Variants in RAVER1 observed in about 807,000 individuals in gnomAD.
RAVER1 encodes ribonucleoprotein PTB-binding 1.
RAVER1 carries 36 observed loss-of-function variants against 68.4 expected under a neutral mutation model. That is an observed-to-expected ratio of 0.53 (90% CI 0.40 to 0.70). The LOEUF (loss-of-function observed/expected upper bound fraction) is 0.70, where lower values mean the gene tolerates loss of function less well. RAVER1 is among the 30% of genes least tolerant of loss of function. The pLI is 0.00. For synonymous variants in RAVER1, 469 were observed against 472.7 expected, an observed-to-expected ratio of 0.99 and a Z score of 0.10; for missense variants, 933 against 1,019.8, an observed-to-expected ratio of 0.91 and a Z score of 1.16.
Position 10,320,862 on chromosome 19 carries a change from C to A in RAVER1, c.1563G>T (p.Leu521=). 1 of 1,512,090 alleles carries A rather than the reference C, an allele frequency of 6.6e-7. No homozygotes were observed. Among genetic ancestry groups the A allele is most frequent in the Admixed American group, 2.4e-5 (1 of 41,784 alleles). The allele number at this position is 1,512,090 out of a possible 1,614,324, so 93.7% of individuals were successfully genotyped here. ...CCCAGCCCCGGGCCTCCTTACCCGC[C>A]AGGTTGCTGGCCGGGAGCAGGCTGT... The part of the protein sequence containing the change: ...NLHSLLPASN[L]AGKEARGWGG... Residue 521 remains leucine, a synonymous_variant, in exon 9 of 13, where the codon CTG becomes CTT. Coordinates refer to ENST00000617231, the MANE Select transcript of RAVER1 (RefSeq NM_133452.3).
chr19:10,330,957 G>C (rs960126473), intron 1 of RAVER1, among the ~76,000 whole-genome samples: 10 of 151,880 alleles, frequency 6.6e-5, no homozygotes, highest in Non-Finnish European at 1.3e-4. Flanking sequence ...CTAGCTACTC[G>C]GGAGGCTGAG....
rs199738113 is a variant in RAVER1, at chr19:10,323,156, C to T, written c.1067G>A (p.Gly356Glu). The change falls in exon 5 of 13, where the codon GGG becomes GAG. Residue 356 changes from glycine (G) to glutamate (E), a missense_variant. Physicochemically the swap from Gly to Glu is moderately conservative, Grantham distance 98. Coordinates refer to ENST00000617231, the MANE Select transcript of RAVER1 (RefSeq NM_133452.3). This position sits in a 1 kb window ranked among gnomAD's most constrained non-coding sequence, Gnocchi z 6.2. ...CAGCCCCACCTTACCCTGCTTCCCC[C>T]CCGCACTGCCATGGAGCAGGGGGTT... is the stretch of plus-strand genomic sequence containing the variant. ...LLNPLLHGSA[G>E]GKQGLLGAPP... 11 of 1,601,788 alleles carry T rather than the reference C, an allele frequency of 6.9e-6. No individual in the cohort carries two copies. Among genetic ancestry groups the T allele is most frequent in the Admixed American group, 1.7e-5 (1 of 57,930 alleles).
chr19:10,331,382 AATAAC>A (rs1568314162), intron 1 of RAVER1, among the ~76,000 whole-genome samples: 4 of 90,432 alleles, frequency 4.4e-5, no homozygotes, highest in Non-Finnish European at 2.2e-5. Flanking sequence ...AAAAAAAAAA[AATAAC>A]AACAACAAAA....
In RAVER1 at chr19:10,333,169, G is replaced by C. The variant is rs1695007440; in HGVS notation, c.219+120C>G. The C allele has an allele frequency of 1.0e-6, 1 of 984,814 alleles. No individual in the cohort carries two copies. The highest frequency in any genetic ancestry group is 1.5e-6 in the Non-Finnish European group (1 of 681,814). 61.0% of individuals were successfully genotyped at this position (984,814 alleles called of 1,614,324 possible). A position where few individuals can be genotyped will look rare whatever the true frequency, so the allele number is the denominator to read the frequency against. ...GTCTCTCCCGATCCCGCGTGGATCC[G>C]GTGCTTGGGCGCCCCCGCCAACGAC... is the stretch of plus-strand genomic sequence containing the variant. On this transcript the variant is annotated intron_variant, in intron 1 of 12. Coordinates refer to ENST00000617231, the MANE Select transcript of RAVER1 (RefSeq NM_133452.3). This position sits in a 1 kb window ranked among gnomAD's most constrained non-coding sequence, Gnocchi z 4.2.
chr19:10,331,222 C>T lies in RAVER1; in HGVS notation c.220-696G>A, dbSNP rs1392135188. On this transcript the variant is annotated intron_variant, in intron 1 of 12. Transcript: ENST00000617231. Reference sequence around the variant, plus strand: ...AAAATTAGCCGGGCGCGGTGGCAGGCGCCTGTATTCCCAGCTACTCGGGAG... The same window carrying T: ...AAAATTAGCCGGGCGCGGTGGCAGGTGCCTGTATTCCCAGCTACTCGGGAG... 5.3e-5 allele frequency among the ~76,000 whole-genome samples: 8 copies of T among 151,412 alleles called. No homozygotes were observed. In the East Asian group the frequency reaches 1.2e-3, roughly 22 times the overall value.
chr19:10,331,482 T>A (rs1470504596), intron 1 of RAVER1, among the ~76,000 whole-genome samples: 2 of 137,322 alleles, frequency 1.5e-5, no homozygotes, highest in African/African-American at 5.6e-5. Flanking sequence ...GATCAAGAGA[T>A]CGAGACCATC....
chr19:10,316,560 G>A lies in RAVER1; in HGVS notation c.*894C>T, dbSNP rs2040389292. ...GCTCCGGGAGATGGGCACAATGTCCGACTCCCACAGACAGACAGCAGGGGA... is the reference window on the plus strand; with the variant it reads ...GCTCCGGGAGATGGGCACAATGTCCAACTCCCACAGACAGACAGCAGGGGA... On this transcript the variant is annotated 3_prime_UTR_variant, in exon 13 of 13. Transcript: ENST00000617231. 6 of 987,088 alleles carry A rather than the reference G, an allele frequency of 6.1e-6. No individual in the cohort carries two copies. The highest frequency in any genetic ancestry group is 4.6e-5 in the South Asian group (1 of 21,620). 61.1% of individuals were successfully genotyped at this position (987,088 alleles called of 1,614,324 possible).
rs2040399972 is a variant in RAVER1 at position 10,317,569 on chromosome 19, G to A, written c.2105C>T (p.Ala702Val). 1 of 1,611,718 alleles carries A rather than the reference G, an allele frequency of 6.2e-7. No individual in the cohort carries two copies. Among genetic ancestry groups the A allele is most frequent in the Non-Finnish European group, 8.5e-7 (1 of 1,179,236 alleles). Reference sequence around the variant, plus strand: ...GGGCTCGGGCGAGGGCAGCAGGTGGGCAAAGCTGCGTTTCTGGCCGCCCAG... The same window carrying A: ...GGGCTCGGGCGAGGGCAGCAGGTGGACAAAGCTGCGTTTCTGGCCGCCCAG... ...TPLGGQKRSF[A>V]HLLPSPEPSP... Residue 702 changes from alanine (A) to valine (V), a missense_variant, in exon 13 of 13, where the codon GCC becomes GTC. Around this residue, in one of 3 missense-constraint regions of RAVER1, gnomAD observed 699 missense variants for 731.1 expected, o/e 0.96. Coordinates refer to ENST00000617231, the MANE Select transcript of RAVER1 (RefSeq NM_133452.3). This position sits in a 1 kb window ranked among gnomAD's most constrained non-coding sequence, Gnocchi z 4.3.
Position 10,320,833 on chromosome 19 carries a change from C to T in RAVER1, c.1592G>A (p.Gly531Asp). The part of the protein sequence containing the change: ...LAGKEARGWG[G>D]AGRSRRPAEG... The stretch of plus-strand genomic sequence containing the variant: ...AGCTGGGCGGCGGCTTCTCCCGGCG[C>T]CTCCCCAGCCCCGGGCCTCCTTACC... The change falls in exon 9 of 13, where the codon GGC (glycine) becomes GAC (aspartate). Residue 531 changes from glycine to aspartate, a missense_variant. Physicochemically the swap from Gly to Asp is moderately conservative, Grantham distance 94. Coordinates refer to ENST00000617231, the MANE Select transcript of RAVER1 (RefSeq NM_133452.3). 6.6e-7 allele frequency: 1 copy of T among 1,516,416 alleles called. No homozygotes were observed. The highest frequency in any genetic ancestry group is 8.8e-7 in the Non-Finnish European group (1 of 1,139,540). The allele number at this position is 1,516,416 out of a possible 1,614,324, so 93.9% of individuals were successfully genotyped here. A position where few individuals can be genotyped will look rare whatever the true frequency, so the allele number is the denominator to read the frequency against.
Position 10,328,301 on chromosome 19 carries a change from C to T in RAVER1, c.756+341G>A, listed in dbSNP as rs1327069731. 1.3e-5 allele frequency among the ~76,000 whole-genome samples: 2 copies of T among 152,166 alleles called. No individual in the cohort carries two copies. The highest frequency in any genetic ancestry group is 2.9e-5 in the Non-Finnish European group (2 of 68,024). ...TCCCCTGGCCAGGTGTGGTGGCTCA[C>T]GCATGTAATCCCAGCACTTTGGGAG... On this transcript the variant is annotated intron_variant, in intron 3 of 12. Transcript: ENST00000617231. This position sits in a 1 kb window ranked among gnomAD's most constrained non-coding sequence, Gnocchi z 4.4.
intron 3 of RAVER1, among the ~76,000 whole-genome samples, chr19:10,324,028 T>A (rs1368553195): frequency 6.6e-6 from 1 of 151,922 alleles, no homozygotes; most frequent in Non-Finnish European, 1.5e-5. Context: ...CATGCCTGTA[T>A]TCCCAGCTAC....
Position 10,320,795 on chromosome 19 carries a change from T to C in RAVER1, c.1630A>G (p.Thr544Ala). The part of the protein sequence containing the change: ...RSRRPAEGPP[T>A]NPPAPGGGSS... ...CCACCTCCAGGGGCTGGGGGGTTAGTTGGGGGGCCCTCAGCTGGGCGGCGG... is the reference window on the plus strand; with the variant it reads ...CCACCTCCAGGGGCTGGGGGGTTAGCTGGGGGGCCCTCAGCTGGGCGGCGG... The change falls in exon 9 of 13, where the codon ACT becomes GCT. Residue 544 changes from threonine to alanine, a missense_variant. By Grantham distance (58) the Thr-to-Ala change is moderately conservative. Transcript: ENST00000617231. 8.0e-6 allele frequency: 12 copies of C among 1,494,756 alleles called. No homozygotes were observed. Among genetic ancestry groups the C allele is most frequent in the Non-Finnish European group, 8.9e-6 (10 of 1,129,092 alleles). 92.6% of individuals were successfully genotyped at this position (1,494,756 alleles called of 1,614,324 possible).
Position 10,330,440 on chromosome 19 carries a change from C to T in RAVER1, c.286+20G>A, listed in dbSNP as rs760054341. Reference sequence around the variant, plus strand: ...GGGATGGTCACTCCCTGCCCTGGCCCGCCCCATGGCCCCACAAACCTGTCC... The same window carrying T: ...GGGATGGTCACTCCCTGCCCTGGCCTGCCCCATGGCCCCACAAACCTGTCC... On this transcript the variant is annotated intron_variant, in intron 2 of 12. Coordinates refer to ENST00000617231, the MANE Select transcript of RAVER1 (RefSeq NM_133452.3). 1.9e-5 allele frequency: 25 copies of T among 1,330,878 alleles called. No homozygotes were observed. The highest frequency in any genetic ancestry group is 1.7e-4 in the African/African-American group (12 of 69,720). The allele number at this position is 1,330,878 out of a possible 1,614,324, so 82.4% of individuals were successfully genotyped here.
chr19:10,319,567 C>T (rs570426986), intron 9 of RAVER1, among the ~76,000 whole-genome samples: 9 of 151,642 alleles, frequency 5.9e-5, no homozygotes, highest in East Asian at 1.9e-4. Context: ...GACCTGTGGG[C>T]GGCCAGTTTG....
chr19:10,316,540 G>A lies in RAVER1; in HGVS notation c.*914C>T, dbSNP rs988180611. The stretch of plus-strand genomic sequence containing the variant: ...ACAAGCGAGTGACAGCAGAGGCTCC[G>A]GGAGATGGGCACAATGTCCGACTCC... On this transcript the variant is annotated 3_prime_UTR_variant, in exon 13 of 13. Coordinates refer to ENST00000617231, the MANE Select transcript of RAVER1 (RefSeq NM_133452.3). 5 of 987,900 alleles carry A rather than the reference G, an allele frequency of 5.1e-6. No homozygotes were observed. Among genetic ancestry groups the A allele is most frequent in the Non-Finnish European group, 6.0e-6 (5 of 831,310 alleles). 61.2% of individuals were successfully genotyped at this position (987,900 alleles called of 1,614,324 possible). A position where few individuals can be genotyped will look rare whatever the true frequency, so the allele number is the denominator to read the frequency against.
intron 3 of RAVER1, among the ~76,000 whole-genome samples, chr19:10,325,954 C>T (rs1185514059): frequency 2.0e-5 from 3 of 152,024 alleles, no homozygotes; most frequent in Non-Finnish European, 4.4e-5. Flanking sequence ...CCTTTGATCT[C>T]CACATAAGAA....
At chr19:10,318,619 C>A (rs1267043719) in intron 10 of RAVER1, among the ~76,000 whole-genome samples, 2 of 152,176 alleles carry the variant, frequency 1.3e-5, no homozygotes, top group African/African-American at 4.8e-5. Context: ...CTCGGCCTCC[C>A]AAAGTGCTGG....
Position 10,333,268 on chromosome 19 carries a change from C to T in RAVER1, c.219+21G>A. The T allele has an allele frequency of 6.2e-7, 1 of 1,608,192 alleles. No individual in the cohort carries two copies. Among genetic ancestry groups the T allele is most frequent in the Non-Finnish European group, 8.5e-7 (1 of 1,175,960 alleles). ...CACCGTGGTATTTCCCGCCACGCTC[C>T]TACACCGCCCCCCCCAATACCTGGT... On this transcript the variant is annotated intron_variant, in intron 1 of 12. Transcript: ENST00000617231. This position sits in a 1 kb window ranked among gnomAD's most constrained non-coding sequence, Gnocchi z 4.2.
In RAVER1 at chr19:10,316,547, G is replaced by A. The variant is rs2040389131; in HGVS notation, c.*907C>T. On this transcript the variant is annotated 3_prime_UTR_variant, in exon 13 of 13. Coordinates refer to ENST00000617231, the MANE Select transcript of RAVER1 (RefSeq NM_133452.3). ...AGTGACAGCAGAGGCTCCGGGAGATGGGCACAATGTCCGACTCCCACAGAC... is the reference window on the plus strand; with the variant it reads ...AGTGACAGCAGAGGCTCCGGGAGATAGGCACAATGTCCGACTCCCACAGAC... The A allele has an allele frequency of 1.0e-6, 1 of 987,632 alleles. No homozygotes were observed. 61.2% of individuals were successfully genotyped at this position (987,632 alleles called of 1,614,324 possible). A position where few individuals can be genotyped will look rare whatever the true frequency, so the allele number is the denominator to read the frequency against.
Sources: allele counts gnomAD v4.1 joint callset (sites outside exome capture counted in the v4.1 genomes callset), GRCh38; gene constraint gnomAD v4.1.1; regional missense constraint gnomAD v4.1.1; non-coding constraint Gnocchi (gnomAD v3.1); transcripts MANE v1.5; gene names NCBI Gene and HGNC (gene_info 2026-07-23, HGNC 2026-07-21).